The following PALS2 variants were observed in gnomAD, a reference collection of about 807,000 sequenced individuals.
PALS2 encodes protein associated with LIN7 2, MAGUK p55 family member.
Under a neutral mutation model 61.6 loss-of-function variants are expected in PALS2, and 27 were observed. The ratio of observed to expected loss-of-function variants is 0.44; its 90% CI spans 0.32 to 0.60. The LOEUF is 0.60. Ranked by LOEUF, PALS2 falls within the 20% of genes least tolerant of loss-of-function variation. The pLI is 0.05. For synonymous variants in PALS2, 236 were observed against 218.6 expected (o/e 1.08, Z -0.70); for missense variants, 554 against 639.4 (o/e 0.87, Z 1.44).
intron 9 of PALS2, among the ~76,000 whole-genome samples, chr7:24,678,380 A>G (rs1787735592): frequency 6.6e-6 from 1 of 152,200 alleles, no homozygotes; most frequent in Non-Finnish European, 1.5e-5. Context: ...GAGGAGGTTA[A>G]TAGACCATAA....
chr7:24,668,762 A>G, intron 9 of PALS2, 102 bp downstream of exon 9: 1 of 1,406,708 alleles, frequency 7.1e-7, no homozygotes. Flanking sequence ...ATTCCCAAAT[A>G]AGTTTTCTTT....
intron 2 of PALS2, among the ~76,000 whole-genome samples, chr7:24,627,085 T>A (rs1784780788): frequency 6.6e-6 from 1 of 152,194 alleles, no homozygotes; most frequent in South Asian, 2.1e-4. Flanking sequence ...CAGCGCCACA[T>A]AGCACTTATT....
chr7:24,670,410 C>G (rs1265001447), intron 9 of PALS2, among the ~76,000 whole-genome samples: 2 of 151,896 alleles, frequency 1.3e-5, no homozygotes, highest in African/African-American at 4.8e-5. Flanking sequence ...CATGCTGTCT[C>G]TCTGGCTGCC....
At chr7:24,680,248 G>T in intron 10 of PALS2, 144 bp from the exon 11 acceptor site, 1 of 717,636 alleles carries the variant, frequency 1.4e-6, no homozygotes, top group East Asian at 3.1e-5. Flanking sequence ...TATATGGAAT[G>T]AGAAGGACAG....
chr7:24,689,964 C>T lies in PALS2; in HGVS notation c.*2350C>T, dbSNP rs1455916093. The T allele has an allele frequency of 6.6e-6, 1 of 152,100 alleles. No individual in the cohort carries two copies. The highest frequency in any genetic ancestry group is 1.9e-4 in the East Asian group (1 of 5,194). 9.4% of individuals were successfully genotyped at this position (152,100 alleles called of 1,614,324 possible). On this transcript the variant is annotated 3_prime_UTR_variant, in exon 12 of 12. Coordinates refer to ENST00000222644, the MANE Select transcript of PALS2 (RefSeq NM_001303037.2). Reference sequence around the variant, plus strand: ...GCAAAATATTTCAATCATCTTGGTACAATAGATGACTTTTACATCATGTAT... The same window carrying T: ...GCAAAATATTTCAATCATCTTGGTATAATAGATGACTTTTACATCATGTAT...
intron 3 of PALS2, among the ~76,000 whole-genome samples, chr7:24,642,874 A>G (rs574580225): frequency 6.6e-5 from 10 of 152,304 alleles, no homozygotes; most frequent in Non-Finnish European, 1.2e-4. Context: ...CGTAAGGACA[A>G]TGGGAAACTT....
At chr7:24,679,750 G>A (rs764136907) in intron 10 of PALS2, among the ~76,000 whole-genome samples, 20 of 151,936 alleles carry the variant, frequency 1.3e-4, no homozygotes, top group Non-Finnish European at 2.5e-4. Flanking sequence ...CTATATTTCT[G>A]TCACCTACCC....
At position 24,596,855 on chromosome 7, in the gene PALS2, T is replaced by G. The variant is rs868267049; in HGVS notation, c.-3+23262T>G. 3.3e-5 allele frequency among the ~76,000 whole-genome samples: 5 copies of G among 152,118 alleles called. No individual in the cohort carries two copies. Among genetic ancestry groups the G allele is most frequent in the African/African-American group, 1.2e-4 (5 of 41,424 alleles). ...ACCAGTTAAGAGGCTTTTAAAGTAGTCTAGGCAAGAGAATATTAGAAACTC... is the reference window on the plus strand; with the variant it reads ...ACCAGTTAAGAGGCTTTTAAAGTAGGCTAGGCAAGAGAATATTAGAAACTC... On this transcript the variant is annotated intron_variant, in intron 1 of 11. Coordinates refer to ENST00000222644, the MANE Select transcript of PALS2 (RefSeq NM_001303037.2). This position sits in a 1 kb window ranked among gnomAD's most constrained non-coding sequence, Gnocchi z 4.5.
At chr7:24,620,852 G>A in intron 1 of PALS2, among the ~76,000 whole-genome samples, 1 of 152,108 alleles carries the variant, frequency 6.6e-6, no homozygotes. Flanking sequence ...ATATAGGAGT[G>A]TGAAACAAGA....
rs2128041747 is a variant in PALS2 at position 24,691,903 on chromosome 7, T to A, written c.*4289T>A. 1 of 152,218 alleles carries A rather than the reference T, an allele frequency of 6.6e-6. No homozygotes were observed. Among genetic ancestry groups the A allele is most frequent in the Non-Finnish European group, 1.5e-5 (1 of 67,956 alleles). 9.4% of individuals were successfully genotyped at this position (152,218 alleles called of 1,614,324 possible). ...TAAATAATGGGATTATTGTATATAG[T>A]ACAAATGAATACTCACAAAATTTAA... On this transcript the variant is annotated 3_prime_UTR_variant, in exon 12 of 12. Transcript: ENST00000222644.
chr7:24,574,425 A>G (rs1481126094), intron 1 of PALS2: 1 of 152,188 alleles, frequency 6.6e-6, no homozygotes, highest in African/African-American at 2.4e-5. Flanking sequence ...AGGACTTTTT[A>G]ACACTTTACT....
At chr7:24,626,296 C>T (rs1784739921) in intron 2 of PALS2, among the ~76,000 whole-genome samples, 1 of 151,406 alleles carries the variant, frequency 6.6e-6, no homozygotes, top group Non-Finnish European at 1.5e-5. Flanking sequence ...CAAGCAAAAA[C>T]TAATAGAGAA....
chr7:24,641,980 G>T, intron 3 of PALS2, 112 bp downstream of exon 3: 1 of 1,155,772 alleles, frequency 8.7e-7, no homozygotes, highest in Non-Finnish European at 1.2e-6. Flanking sequence ...GCTATAATAG[G>T]TAAGTATGTA....
intron 1 of PALS2, among the ~76,000 whole-genome samples, chr7:24,622,426 C>T (rs1784557922): frequency 6.6e-6 from 1 of 151,692 alleles, no homozygotes; most frequent in South Asian, 2.1e-4. Context: ...GTCTTTGATG[C>T]TACTGTAAAA....
intron 7 of PALS2, 127 bp downstream of exon 7, chr7:24,665,814 C>A: frequency 1.0e-6 from 1 of 989,100 alleles, no homozygotes; most frequent in Non-Finnish European, 1.5e-6. Context: ...TCTGCTTTCT[C>A]TCGCTCATAA....
At chr7:24,577,254 TCTTTTTTC>T (rs1345260820) in intron 1 of PALS2, among the ~76,000 whole-genome samples, 29 of 151,170 alleles carry the variant, frequency 1.9e-4, no homozygotes, top group Admixed American at 1.4e-3. Context: ...ATCCGAAAAT[TCTTTTTTC>T]CTTTTTTCCT....
chr7:24,674,323 CTTACT>C lies in PALS2; in HGVS notation c.1115-4807_1115-4803del, dbSNP rs1347602048. 4 of 153,376 alleles carry C rather than the reference CTTACT, an allele frequency of 2.6e-5. No individual in the cohort carries two copies. The East Asian group carries it at 5.8e-4, about 22-fold the overall frequency. 9.5% of individuals were successfully genotyped at this position (153,376 alleles called of 1,614,324 possible). A position where few individuals can be genotyped will look rare whatever the true frequency, so the allele number is the denominator to read the frequency against. On this transcript the variant is annotated intron_variant, in intron 9 of 11. Transcript: ENST00000222644. The stretch of plus-strand genomic sequence containing the variant: ...AGTGCCCTTCACTGTGCTGCTTACT[CTTACT>C]CATTTTGTCCCTATTCTTCAGCCCA...
At chr7:24,585,663 C>A (rs1330743808) in intron 1 of PALS2, among the ~76,000 whole-genome samples, 3 of 152,142 alleles carry the variant, frequency 2.0e-5, no homozygotes, top group Non-Finnish European at 4.4e-5. Flanking sequence ...TCCTTTCCAA[C>A]ACACTGCAAT....
At chr7:24,652,709 T>G (rs1786220616) in intron 5 of PALS2, among the ~76,000 whole-genome samples, 1 of 152,172 alleles carries the variant, frequency 6.6e-6, no homozygotes, top group African/African-American at 2.4e-5. Context: ...AAGGGCATTT[T>G]GCGTCTTCAA....
Sources: gnomAD v4.1 joint callset for allele counts (sites outside exome capture counted in the v4.1 genomes callset) on GRCh38, gnomAD v4.1.1 for gene constraint, Gnocchi (gnomAD v3.1) non-coding constraint, MANE v1.5 for transcripts, NCBI Gene and HGNC (gene_info 2026-07-23, HGNC 2026-07-21) for gene names.